Variants in ARHGAP18 observed in about 807,000 individuals in gnomAD.
ARHGAP18 encodes the protein rho GTPase-activating protein 18.
A neutral mutation model predicts 86.2 loss-of-function variants in ARHGAP18; 67 were observed. That is an observed-to-expected ratio of 0.78 (90% CI 0.64 to 0.95). The LOEUF is 0.95. ARHGAP18 is among the 40% of genes least tolerant of loss of function. The pLI is 0.00. For missense variants in ARHGAP18, 691 were observed against 780.4 expected (o/e 0.89, Z 1.37); for synonymous variants, 283 against 280.4 (o/e 1.01, Z -0.09).
intron 12 of ARHGAP18, among the ~76,000 whole-genome samples, chr6:129,597,988 C>G (rs1434624347): frequency 6.6e-6 from 1 of 151,998 alleles, no homozygotes; most frequent in East Asian, 1.9e-4. Flanking sequence ...AGGTACACCC[C>G]AAATGTTTCC....
At position 129,705,659 on chromosome 6, in the gene ARHGAP18, A is replaced by G. The variant is rs532875674; in HGVS notation, c.113+4365T>C. ...TATTCAGAAAAACGCTTCTGAAACAAGGGAGAATATTCTATATCCTGCAAA... is the reference window on the plus strand; with the variant it reads ...TATTCAGAAAAACGCTTCTGAAACAGGGGAGAATATTCTATATCCTGCAAA... On this transcript the variant is annotated intron_variant, in intron 1 of 14. Transcript: ENST00000368149. Among the ~76,000 whole-genome samples the G allele has an allele frequency of 4.6e-5, 7 of 152,350 alleles. No homozygotes were observed. The South Asian group carries it at 1.4e-3, about 32-fold the overall frequency.
intron 4 of ARHGAP18, 46 bp from the exon 5 acceptor site, chr6:129,629,568 T>G (rs761728301): frequency 6.4e-7 from 1 of 1,557,434 alleles, no homozygotes; most frequent in Non-Finnish European, 8.6e-7. Context: ...CTTTATTTAT[T>G]TTTTAAAAAA....
rs184793786 is a variant in ARHGAP18 at position 129,579,849 on chromosome 6, C to A, written c.1900+221G>T. On this transcript the variant is annotated intron_variant, in intron 14 of 14. Coordinates refer to ENST00000368149, the MANE Select transcript of ARHGAP18 (RefSeq NM_033515.3). ...TTATTCTTACTGTATAGGGAACTTGCCTTTGCTGAAATTGAACATAGATGG... is the reference window on the plus strand; with the variant it reads ...TTATTCTTACTGTATAGGGAACTTGACTTTGCTGAAATTGAACATAGATGG... Among the ~76,000 whole-genome samples the A allele has an allele frequency of 2.0e-3, 305 of 152,244 alleles. 1 individual carries two copies. Among genetic ancestry groups the A allele is most frequent in the Middle Eastern group, 6.8e-3 (2 of 294 alleles).
intron 1 of ARHGAP18, among the ~76,000 whole-genome samples, chr6:129,653,511 T>C (rs1037142964): frequency 6.6e-6 from 1 of 152,194 alleles, no homozygotes; most frequent in Non-Finnish European, 1.5e-5. Context: ...ACAGAGAGGA[T>C]GGAGAAATAA....
chr6:129,616,357 T>C, intron 6 of ARHGAP18, 54 bp from the exon 7 acceptor site: 1 of 1,371,796 alleles, frequency 7.3e-7, no homozygotes, highest in Non-Finnish European at 1.0e-6. Flanking sequence ...AAAATATTAA[T>C]ATAAAAATGT....
intron 1 of ARHGAP18, among the ~76,000 whole-genome samples, chr6:129,655,969 C>T (rs1464498591): frequency 6.6e-6 from 1 of 152,062 alleles, no homozygotes; most frequent in African/African-American, 2.4e-5. Context: ...ACACAGGAGA[C>T]ACTGAAAAAA....
chr6:129,690,970 G>A (rs1012632318), intron 1 of ARHGAP18, among the ~76,000 whole-genome samples: 2 of 152,094 alleles, frequency 1.3e-5, no homozygotes, highest in Admixed American at 1.3e-4. Context: ...CTACTCGAAT[G>A]CAAAATCACC....
At chr6:129,605,814 A>C in intron 10 of ARHGAP18, 63 bp downstream of exon 10, 5 of 1,451,888 alleles carry the variant, frequency 3.4e-6, no homozygotes, top group Non-Finnish European at 4.8e-6. Flanking sequence ...GTTTTGCCAC[A>C]AATAATGAAA....
At position 129,599,307 on chromosome 6, in the gene ARHGAP18, T is replaced by G. The variant is rs1325105704; in HGVS notation, c.1622A>C (p.His541Pro). Residue 541 changes from histidine (H) to proline (P), a missense_variant, in exon 12 of 15, where the codon CAT becomes CCT. Physicochemically the swap from His to Pro is moderately conservative, Grantham distance 77. Coordinates refer to ENST00000368149, the MANE Select transcript of ARHGAP18 (RefSeq NM_033515.3). ...CTTCATGGCTCTTTTATCCTTTTTA[T>G]GATTTTCCGTGTTTTGCTTCCTCAC... ...NQVRKQNTEN[H>P]KKDKRAMKKL... 1 of 1,594,062 alleles carries G rather than the reference T, an allele frequency of 6.3e-7. No homozygotes were observed. The highest frequency in any genetic ancestry group is 1.4e-5 in the African/African-American group (1 of 73,700).
chr6:129,595,098 T>G (rs1468527113), intron 12 of ARHGAP18, among the ~76,000 whole-genome samples: 1 of 151,362 alleles, frequency 6.6e-6, no homozygotes, highest in Admixed American at 6.6e-5. Flanking sequence ...TGAAAAAAAT[T>G]AGACAATAAT....
intron 4 of ARHGAP18, among the ~76,000 whole-genome samples, chr6:129,631,556 C>T (rs143255571): frequency 6.6e-6 from 1 of 152,202 alleles, no homozygotes; most frequent in East Asian, 1.9e-4. Flanking sequence ...TCAATAAGAA[C>T]AGAATGCTGA....
At chr6:129,618,109 A>G (rs1012135315) in intron 6 of ARHGAP18, among the ~76,000 whole-genome samples, 5 of 144,110 alleles carry the variant, frequency 3.5e-5, no homozygotes, top group Admixed American at 1.4e-4. Flanking sequence ...ACTTACAAAA[A>G]AAACAAAAAA....
chr6:129,581,636 C>T (rs141748412), intron 13 of ARHGAP18, among the ~76,000 whole-genome samples: 3 of 152,200 alleles, frequency 2.0e-5, no homozygotes, highest in Non-Finnish European at 4.4e-5. Context: ...TAATGCTAAT[C>T]AACAAATTCA....
intron 1 of ARHGAP18, among the ~76,000 whole-genome samples, chr6:129,675,249 G>A (rs893548823): frequency 2.0e-5 from 3 of 151,896 alleles, no homozygotes; most frequent in African/African-American, 4.8e-5. Flanking sequence ...CCCTCACCTG[G>A]GAGTCTCTAA....
intron 1 of ARHGAP18, among the ~76,000 whole-genome samples, chr6:129,648,975 T>C (rs1443805159): frequency 6.6e-6 from 1 of 152,218 alleles, no homozygotes; most frequent in Non-Finnish European, 1.5e-5. Context: ...GCAGTCATTA[T>C]TAGAAGTGGC....
chr6:129,614,058 A>G (rs1161921834), intron 7 of ARHGAP18, among the ~76,000 whole-genome samples: 1 of 152,212 alleles, frequency 6.6e-6, no homozygotes, highest in Non-Finnish European at 1.5e-5. Context: ...AAAATTAACA[A>G]TATTTCTATT....
rs1329756706 is a variant in ARHGAP18 at position 129,577,479 on chromosome 6, C to T, written c.*1034G>A. Reference sequence around the variant, plus strand: ...TGCATTAAAATCCCTGGGAATAGTACTTTCAAGAACATTTTAATAAATTGA... The same window carrying T: ...TGCATTAAAATCCCTGGGAATAGTATTTTCAAGAACATTTTAATAAATTGA... On this transcript the variant is annotated 3_prime_UTR_variant, in exon 15 of 15. Transcript: ENST00000368149. 6.6e-6 allele frequency: 1 copy of T among 151,936 alleles called. No homozygotes were observed. The highest frequency in any genetic ancestry group is 1.5e-5 in the Non-Finnish European group (1 of 67,960). 9.4% of individuals were successfully genotyped at this position (151,936 alleles called of 1,614,324 possible).
rs563396013 is a variant in ARHGAP18, at chr6:129,616,076, G to A, written c.1044+136C>T. Reference sequence around the variant, plus strand: ...ACTTATGAGCCCTTGAAACCAATTTGCTTCCTGAATAGAAAATCAAAGTAC... The same window carrying A: ...ACTTATGAGCCCTTGAAACCAATTTACTTCCTGAATAGAAAATCAAAGTAC... On this transcript the variant is annotated intron_variant, in intron 7 of 14. Coordinates refer to ENST00000368149, the MANE Select transcript of ARHGAP18 (RefSeq NM_033515.3). 130 of 610,194 alleles carry A rather than the reference G, an allele frequency of 2.1e-4. No individual in the cohort carries two copies. The South Asian group carries it at 5.5e-3, about 26-fold the overall frequency. The allele number at this position is 610,194 out of a possible 1,614,324, so 37.8% of individuals were successfully genotyped here.
chr6:129,630,386 A>G (rs9398910), intron 4 of ARHGAP18, among the ~76,000 whole-genome samples: 32,584 of 152,124 alleles, frequency 0.21, 3,661 homozygotes, highest in Middle Eastern at 0.26. Context: ...AAAAAACCTA[A>G]AGCCAAGAAC....
Sources: gnomAD v4.1 joint callset for allele counts (sites outside exome capture counted in the v4.1 genomes callset) on GRCh38, gnomAD v4.1.1 for gene constraint, MANE v1.5 for transcripts, NCBI Gene and HGNC (gene_info 2026-07-23, HGNC 2026-07-21) for gene names.